The following NSMCE2 variants were observed in gnomAD, a reference collection of about 807,000 sequenced individuals.
NSMCE2 encodes E3 SUMO-protein ligase NSE2.
In NSMCE2, 24 loss-of-function variants were observed where a neutral mutation model predicts 23.8. The ratio of observed to expected loss-of-function variants is 1.01; its 90% CI spans 0.73 to 1.42. The LOEUF is 1.42. NSMCE2 is among the 40% of genes most tolerant of loss of function. The probability of loss-of-function intolerance (pLI) is 0.00; values close to 1 mark genes in which losing one functional copy is unlikely to be tolerated. For synonymous variants in NSMCE2, 92 were observed against 94.1 expected, an observed-to-expected ratio of 0.98 and a Z score of 0.13; for missense variants, 284 against 296.5, an observed-to-expected ratio of 0.96 and a Z score of 0.31.
At chr8:125,316,771 C>CCTTCCTTCCT (rs1333224137) in intron 5 of NSMCE2, among the ~76,000 whole-genome samples, 15 of 140,266 alleles carry the variant, frequency 1.1e-4, no homozygotes, top group African/African-American at 3.8e-4. Flanking sequence ...TTCCTTCCTT[C>CCTTCCTTCCT]TCTCTCTCTC....
At chr8:125,195,927 C>T (rs1004341515) in intron 5 of NSMCE2, among the ~76,000 whole-genome samples, 2 of 140,812 alleles carry the variant, frequency 1.4e-5, no homozygotes, top group Non-Finnish European at 3.0e-5. Context: ...CATTCTGTCA[C>T]CCAGGCTGGA....
intron 3 of NSMCE2, among the ~76,000 whole-genome samples, chr8:125,132,211 C>T (rs1819808170): frequency 6.6e-6 from 1 of 151,820 alleles, no homozygotes; most frequent in African/African-American, 2.4e-5. Flanking sequence ...CATTCTTCCA[C>T]CTCAGCTTCC....
chr8:125,316,694 CTTT>C (rs1210473883), intron 5 of NSMCE2, among the ~76,000 whole-genome samples: 740 of 66,894 alleles, frequency 0.011, 31 homozygotes, highest in Admixed American at 0.034. Flanking sequence ...TATCTTCCTT[CTTT>C]CCTTCCTTCC....
Position 125,164,328 on chromosome 8 carries a change from G to C in NSMCE2, c.264+13051G>C, listed in dbSNP as rs550899251. Among the ~76,000 whole-genome samples, 8 of 152,328 alleles carry C rather than the reference G, an allele frequency of 5.3e-5. No homozygotes were observed. In the South Asian group the frequency reaches 1.2e-3, roughly 24 times the overall value. On this transcript the variant is annotated intron_variant, in intron 4 of 7. Transcript: ENST00000287437. ...GGTGAGACTTGAACCTCAGTGTTTTGACATGTAATTCAAGGCTGTTTTCAT... is the reference window on the plus strand; with the variant it reads ...GGTGAGACTTGAACCTCAGTGTTTTCACATGTAATTCAAGGCTGTTTTCAT...
chr8:125,179,518 G>A (rs989758763), intron 4 of NSMCE2, among the ~76,000 whole-genome samples: 2 of 152,156 alleles, frequency 1.3e-5, no homozygotes, highest in African/African-American at 4.8e-5. Flanking sequence ...TTGATTTAAA[G>A]AGATAATGAG....
rs544531831 is a variant in NSMCE2 at position 125,334,498 on chromosome 8, C to T, written c.419-22721C>T. Among the ~76,000 whole-genome samples the T allele has an allele frequency of 5.3e-5, 8 of 152,298 alleles. No homozygotes were observed. In the East Asian group the frequency reaches 7.7e-4, roughly 15 times the overall value. Reference sequence around the variant, plus strand: ...GCCCCTGGCTTAGAGGACCGAAGTGCTGCAGCTCAGGTCACATGGCACGTT... The same window carrying T: ...GCCCCTGGCTTAGAGGACCGAAGTGTTGCAGCTCAGGTCACATGGCACGTT... On this transcript the variant is annotated intron_variant, in intron 5 of 7. Coordinates refer to ENST00000287437, the MANE Select transcript of NSMCE2 (RefSeq NM_173685.4).
intron 5 of NSMCE2, among the ~76,000 whole-genome samples, chr8:125,207,521 T>A (rs994583710): frequency 1.3e-5 from 2 of 152,228 alleles, no homozygotes; most frequent in Non-Finnish European, 2.9e-5. Context: ...AGTTCAAAAC[T>A]GCTGTGGAAT....
At position 125,299,967 on chromosome 8, in the gene NSMCE2, C is replaced by T. The variant is rs113149983; in HGVS notation, c.419-57252C>T. On this transcript the variant is annotated intron_variant, in intron 5 of 7. Transcript: ENST00000287437. ...CCAAGTAGTTGGGACTACAGGTGCA[C>T]GCCATCATGCTTGGCTAATTTTTGT... 2.2e-3 allele frequency among the ~76,000 whole-genome samples: 335 copies of T among 151,454 alleles called. 1 individual carries two copies. Among genetic ancestry groups the T allele is most frequent in the African/African-American group, 7.6e-3 (315 of 41,310 alleles).
At chr8:125,317,694 G>A (rs1404238146) in intron 5 of NSMCE2, among the ~76,000 whole-genome samples, 1 of 152,270 alleles carries the variant, frequency 6.6e-6, no homozygotes, top group East Asian at 1.9e-4. Flanking sequence ...GGTTACAGGG[G>A]AGAAAAGAAA....
chr8:125,358,650 T>C (rs543142107), intron 7 of NSMCE2, among the ~76,000 whole-genome samples: 1 of 152,266 alleles, frequency 6.6e-6, no homozygotes, highest in South Asian at 2.1e-4. Flanking sequence ...GCTCTTATCA[T>C]GGATTTGTTG....
chr8:125,134,641 T>C (rs1819966257), intron 3 of NSMCE2, among the ~76,000 whole-genome samples: 1 of 152,164 alleles, frequency 6.6e-6, no homozygotes, highest in Non-Finnish European at 1.5e-5. Context: ...GAGGGTTCTT[T>C]GTATACTCGG....
chr8:125,366,907 G>A lies in NSMCE2; in HGVS notation c.*22G>A. ...GTAGGAAAAGCCACCTGCCTGCAGG[G>A]ACACCAGCAGCCTACCTCCTACCCC... is the stretch of plus-strand genomic sequence containing the variant. On this transcript the variant is annotated 3_prime_UTR_variant, in exon 8 of 8. Transcript: ENST00000287437. The A allele has an allele frequency of 7.4e-7, 1 of 1,351,630 alleles. No individual in the cohort carries two copies. Among genetic ancestry groups the A allele is most frequent in the South Asian group, 1.2e-5 (1 of 85,658 alleles). The allele number at this position is 1,351,630 out of a possible 1,614,324, so 83.7% of individuals were successfully genotyped here.
chr8:125,185,119 T>C (rs1476043147), intron 5 of NSMCE2, among the ~76,000 whole-genome samples: 1 of 152,116 alleles, frequency 6.6e-6, no homozygotes, highest in Non-Finnish European at 1.5e-5. Flanking sequence ...AGAGAAATGC[T>C]AGGAATCTTT....
intron 5 of NSMCE2, among the ~76,000 whole-genome samples, chr8:125,334,538 T>A (rs1484015073): frequency 6.6e-6 from 1 of 152,144 alleles, no homozygotes; most frequent in Non-Finnish European, 1.5e-5. Flanking sequence ...GCGGGATGTG[T>A]GACCCACCAA....
Position 125,214,354 on chromosome 8 carries a change from T to C in NSMCE2, c.418+32098T>C, listed in dbSNP as rs1163096159. Among the ~76,000 whole-genome samples, 5 of 151,658 alleles carry C rather than the reference T, an allele frequency of 3.3e-5. No individual in the cohort carries two copies. The East Asian group carries it at 9.7e-4, about 29-fold the overall frequency. ...CAGTAGCATCCAAGGCCCATGGGAGTAGGAACATCAGGTCCAAGCCTCTAA... is the reference window on the plus strand; with the variant it reads ...CAGTAGCATCCAAGGCCCATGGGAGCAGGAACATCAGGTCCAAGCCTCTAA... On this transcript the variant is annotated intron_variant, in intron 5 of 7. Transcript: ENST00000287437.
chr8:125,232,841 A>C (rs1385775232), intron 5 of NSMCE2, among the ~76,000 whole-genome samples: 2 of 151,012 alleles, frequency 1.3e-5, no homozygotes, highest in Non-Finnish European at 3.0e-5. Context: ...AAGTACTAAA[A>C]AAGATAGGTT....
intron 3 of NSMCE2, among the ~76,000 whole-genome samples, chr8:125,140,368 A>G (rs905028282): frequency 2.0e-5 from 3 of 152,164 alleles, no homozygotes; most frequent in Non-Finnish European, 4.4e-5. Context: ...AATTTTTTCA[A>G]TAATCATATA....
At chr8:125,190,584 G>A (rs1823301182) in intron 5 of NSMCE2, among the ~76,000 whole-genome samples, 1 of 152,158 alleles carries the variant, frequency 6.6e-6, no homozygotes, top group African/African-American at 2.4e-5. Context: ...CATAGTGGTG[G>A]AGTTTTAATG....
At chr8:125,323,846 C>T (rs1465539054) in intron 5 of NSMCE2, among the ~76,000 whole-genome samples, 1 of 152,120 alleles carries the variant, frequency 6.6e-6, no homozygotes, top group Non-Finnish European at 1.5e-5. Context: ...AAGAGATACT[C>T]TTAGGAGAAT....
Sources: gnomAD v4.1 joint callset for allele counts (sites outside exome capture counted in the v4.1 genomes callset) on GRCh38, gnomAD v4.1.1 for gene constraint, MANE v1.5 for transcripts, NCBI Gene and HGNC (gene_info 2026-07-23, HGNC 2026-07-21) for gene names.